Variants in KPNA1 observed in about 807,000 individuals in gnomAD.
KPNA1 encodes the protein importin subunit alpha-5.
In KPNA1, 10 loss-of-function variants were observed where a neutral mutation model predicts 70.5. That is an observed-to-expected ratio of 0.14 (90% CI 0.09 to 0.24). KPNA1 has a LOEUF of 0.24. KPNA1 is among the 10% of genes least tolerant of loss of function. The pLI, the probability that KPNA1 is intolerant of heterozygous loss-of-function variation, is 1.00. For missense variants in KPNA1, 397 were observed against 637.9 expected, an observed-to-expected ratio of 0.62 and a Z score of 4.07; for synonymous variants, 192 against 221.9, an observed-to-expected ratio of 0.87 and a Z score of 1.20.
Position 122,433,800 on chromosome 3 carries a change from G to C in KPNA1, c.1123-12C>G. The C allele has an allele frequency of 3.2e-6, 5 of 1,567,864 alleles. No homozygotes were observed. The highest frequency in any genetic ancestry group is 4.3e-6 in the Non-Finnish European group (5 of 1,161,710). On this transcript the variant is annotated splice_polypyrimidine_tract_variant and intron_variant, in intron 11 of 13. Coordinates refer to ENST00000344337, the MANE Select transcript of KPNA1 (RefSeq NM_002264.4). ...GCATCTATCACAGTCTAAAATTAAA[G>C]AAAAACTTAAATGGAAAAAACTGTG... is the stretch of plus-strand genomic sequence containing the variant.
At chr3:122,445,333 A>G (rs2076123043) in intron 9 of KPNA1, among the ~76,000 whole-genome samples, 1 of 152,242 alleles carries the variant, frequency 6.6e-6, no homozygotes, top group African/African-American at 2.4e-5. Flanking sequence ...AATGAAATAA[A>G]GTGTGAAGAC....
intron 2 of KPNA1, among the ~76,000 whole-genome samples, chr3:122,474,604 C>T (rs2076477370): frequency 6.6e-6 from 1 of 152,018 alleles, no homozygotes; most frequent in Admixed American, 6.5e-5. Context: ...ATAAACGGTG[C>T]TGGAGTTCAA....
intron 2 of KPNA1, among the ~76,000 whole-genome samples, chr3:122,472,322 A>G (rs959382416): frequency 6.6e-6 from 1 of 152,186 alleles, no homozygotes; most frequent in Non-Finnish European, 1.5e-5. Context: ...AGATTAAACA[A>G]CACACTTCTA....
chr3:122,446,558 C>T (rs1431617317), intron 9 of KPNA1, among the ~76,000 whole-genome samples: 1 of 152,148 alleles, frequency 6.6e-6, no homozygotes, highest in Non-Finnish European at 1.5e-5. Flanking sequence ...TAAATGCCCA[C>T]AAGAGAAAGC....
intron 8 of KPNA1, among the ~76,000 whole-genome samples, chr3:122,450,656 G>C (rs1298017731): frequency 6.6e-6 from 1 of 152,174 alleles, no homozygotes; most frequent in Non-Finnish European, 1.5e-5. Flanking sequence ...CTGTTGCTGG[G>C]AATGTAAACC....
At position 122,424,273 on chromosome 3, in the gene KPNA1, C is replaced by G. The variant is rs2075793309; in HGVS notation, c.*2712G>C. On this transcript the variant is annotated 3_prime_UTR_variant, in exon 14 of 14. Coordinates refer to ENST00000344337, the MANE Select transcript of KPNA1 (RefSeq NM_002264.4). ...AACATGCTTTTGTAATGAGCAACGC[C>G]TTAGTGGTAGGGTATTCAGTGAATT... 1 of 152,114 alleles carries G rather than the reference C, an allele frequency of 6.6e-6. No homozygotes were observed. The highest frequency in any genetic ancestry group is 2.4e-5 in the African/African-American group (1 of 41,428). The allele number at this position is 152,114 out of a possible 1,614,324, so 9.4% of individuals were successfully genotyped here. A position where few individuals can be genotyped will look rare whatever the true frequency, so the allele number is the denominator to read the frequency against.
intron 2 of KPNA1, 63 bp downstream of exon 2, chr3:122,496,374 G>T: frequency 7.0e-7 from 1 of 1,436,002 alleles, no homozygotes. Context: ...AATGAAGATA[G>T]TTTCAGGCTT....
chr3:122,456,585 T>C (rs963510342), intron 5 of KPNA1, among the ~76,000 whole-genome samples: 1 of 151,700 alleles, frequency 6.6e-6, no homozygotes, highest in African/African-American at 2.4e-5. Context: ...TGAGGGAGAA[T>C]TCCAGAAGCT....
At position 122,488,669 on chromosome 3, in the gene KPNA1, T is replaced by C. The variant is rs943993678; in HGVS notation, c.129+7768A>G. Reference sequence around the variant, plus strand: ...TGCAACGTCTGGGGGTGAAGAATTCTTTAGTTGACAGTTTCCTTAAACGAT... The same window carrying C: ...TGCAACGTCTGGGGGTGAAGAATTCCTTAGTTGACAGTTTCCTTAAACGAT... On this transcript the variant is annotated intron_variant, in intron 2 of 13. Coordinates refer to ENST00000344337, the MANE Select transcript of KPNA1 (RefSeq NM_002264.4). 3.9e-5 allele frequency among the ~76,000 whole-genome samples: 6 copies of C among 152,266 alleles called. No homozygotes were observed. The East Asian group carries it at 5.8e-4, about 15-fold the overall frequency.
chr3:122,455,120 T>G (rs1007699136), intron 5 of KPNA1, among the ~76,000 whole-genome samples: 1 of 152,242 alleles, frequency 6.6e-6, no homozygotes, highest in Non-Finnish European at 1.5e-5. Context: ...TCTTCTAAGC[T>G]TCCAGATTAA....
chr3:122,444,453 G>A (rs1002792765), intron 9 of KPNA1, among the ~76,000 whole-genome samples: 5 of 152,186 alleles, frequency 3.3e-5, no homozygotes, highest in African/African-American at 1.2e-4. Context: ...AAATCTTCAC[G>A]ATTTATGTTC....
intron 2 of KPNA1, among the ~76,000 whole-genome samples, chr3:122,495,456 C>A (rs1464905248): frequency 6.6e-6 from 1 of 151,958 alleles, no homozygotes; most frequent in Admixed American, 6.6e-5. Flanking sequence ...TACAATATTA[C>A]AAAATACCTT....
intron 2 of KPNA1, among the ~76,000 whole-genome samples, chr3:122,482,824 T>C (rs1254117811): frequency 1.3e-5 from 2 of 152,006 alleles, no homozygotes; most frequent in African/African-American, 4.8e-5. Flanking sequence ...TACAAATTGC[T>C]AAGAGAATGT....
intron 5 of KPNA1, 45 bp downstream of exon 5, chr3:122,461,179 C>A: frequency 8.1e-7 from 1 of 1,238,034 alleles, no homozygotes; most frequent in Non-Finnish European, 1.2e-6. Context: ...TAAAAATTTT[C>A]AAAAGGAATT....
chr3:122,496,151 C>T (rs894606310), intron 2 of KPNA1, among the ~76,000 whole-genome samples: 1 of 151,978 alleles, frequency 6.6e-6, no homozygotes, highest in Non-Finnish European at 1.5e-5. Flanking sequence ...AAAGTTGCAC[C>T]CTTAGAAAAC....
intron 10 of KPNA1, among the ~76,000 whole-genome samples, chr3:122,437,857 G>T (rs1423606817): frequency 6.6e-6 from 1 of 152,108 alleles, no homozygotes; most frequent in Non-Finnish European, 1.5e-5. Context: ...AATAGTATAT[G>T]GCAGATTTAA....
At chr3:122,455,306 A>T (rs1216934872) in intron 5 of KPNA1, among the ~76,000 whole-genome samples, 1 of 152,206 alleles carries the variant, frequency 6.6e-6, no homozygotes, top group Non-Finnish European at 1.5e-5. Flanking sequence ...AGTGACATAC[A>T]TGAGTGAGGT....
At chr3:122,476,284 T>C (rs956388784) in intron 2 of KPNA1, among the ~76,000 whole-genome samples, 1 of 152,104 alleles carries the variant, frequency 6.6e-6, no homozygotes, top group Admixed American at 6.6e-5. Flanking sequence ...TAAACAAAAA[T>C]TAATTCAATA....
intron 1 of KPNA1, among the ~76,000 whole-genome samples, chr3:122,499,762 GA>G (rs56295442): frequency 2.0e-3 from 229 of 116,882 alleles, no homozygotes; most frequent in Admixed American, 3.7e-3. Flanking sequence ...GTCTCTTCAA[GA>G]AAAAAAAAAA....
Sources: gnomAD v4.1 joint callset for allele counts (sites outside exome capture counted in the v4.1 genomes callset) on GRCh38, gnomAD v4.1.1 for gene constraint, MANE v1.5 for transcripts, NCBI Gene and HGNC (gene_info 2026-07-23, HGNC 2026-07-21) for gene names.